The following ATM variants were observed in gnomAD, a reference collection of about 807,000 sequenced individuals.
The protein encoded by ATM is ATM serine/threonine kinase.
Under a neutral mutation model 387.0 loss-of-function variants are expected in ATM, and 308 were observed. The observed-to-expected ratio is 0.80, with a 90% CI of 0.73 to 0.87. The LOEUF is 0.87. Ranked by LOEUF, ATM falls within the 40% of genes least tolerant of loss-of-function variation. The pLI, the probability that ATM is intolerant of heterozygous loss-of-function variation, is 0.00. For missense variants in ATM, 3,312 were observed against 3,560.9 expected (o/e 0.93, Z 1.78); for synonymous variants, 1,156 against 1,187.3 (o/e 0.97, Z 0.54).
At position 108,317,652 on chromosome 11, in the gene ATM, TACACAC is replaced by T. The variant is rs1181493043; in HGVS notation, c.6347+148_6347+153del. 6.5e-3 allele frequency: 771 copies of T among 118,316 alleles called. 15 individuals are homozygous for T. The highest frequency in any genetic ancestry group is 0.036 in the African/African-American group (710 of 19,760). The allele number at this position is 118,316 out of a possible 1,614,324, so 7.3% of individuals were successfully genotyped here. A position where few individuals can be genotyped will look rare whatever the true frequency, so the allele number is the denominator to read the frequency against. On this transcript the variant is annotated intron_variant, in intron 43 of 62. Coordinates refer to ENST00000675843, the MANE Select transcript of ATM (RefSeq NM_000051.4). Reference sequence around the variant, plus strand: ...ATATATATATATATATATATATATATACACACACACACACACACACACTATATATAT... The same window carrying T: ...ATATATATATATATATATATATATATACACACACACACACACTATATATAT...
In ATM at chr11:108,312,489, A is replaced by G. The variant is rs1430297849; in HGVS notation, c.5997A>G (p.Ile1999Met). The change falls in exon 40 of 63, where the codon ATA becomes ATG. Residue 1999 changes from isoleucine to methionine, a missense_variant. Physicochemically the swap from Ile to Met is conservative, Grantham distance 10. Coordinates refer to ENST00000675843, the MANE Select transcript of ATM (RefSeq NM_000051.4). Reference sequence around the variant, plus strand: ...AAAAAAGTAAAGAAGAAACTGGAATAAGTTTACAGGTAAATATTAGAGGCT... The same window carrying G: ...AAAAAAGTAAAGAAGAAACTGGAATGAGTTTACAGGTAAATATTAGAGGCT... The part of the protein sequence containing the change: ...LSEKSKEETG[I>M]SLQDLLLEIY... 1 of 1,562,768 alleles carries G rather than the reference A, an allele frequency of 6.4e-7. No individual in the cohort carries two copies. The highest frequency in any genetic ancestry group is 1.7e-5 in the Admixed American group (1 of 59,904).
At chr11:108,241,468 T>TA (rs2079554132) in intron 5 of ATM, among the ~76,000 whole-genome samples, 1 of 152,202 alleles carries the variant, frequency 6.6e-6, no homozygotes, top group Non-Finnish European at 1.5e-5. Flanking sequence ...GGGTTTTTTT[T>TA]ACACAAGTAT....
intron 43 of ATM, among the ~76,000 whole-genome samples, chr11:108,318,553 G>A (rs193269618): frequency 1.9e-3 from 296 of 151,834 alleles, no homozygotes; most frequent in African/African-American, 7.1e-3. Flanking sequence ...AGCTGGGTGT[G>A]CTGGAGCATG....
chr11:108,253,677 A>G, intron 12 of ATM, 137 bp from the exon 13 acceptor site: 1 of 560,362 alleles, frequency 1.8e-6, no homozygotes. Flanking sequence ...TTAAAAGAAT[A>G]ATCTATTAAT....
chr11:108,250,482 C>A (rs2080074624), intron 9 of ATM, among the ~76,000 whole-genome samples: 1 of 152,072 alleles, frequency 6.6e-6, no homozygotes, highest in Admixed American at 6.6e-5. Context: ...TTAAGGGAAA[C>A]TTAACAGCTT....
At chr11:108,343,492 T>C in intron 57 of ATM, 121 bp downstream of exon 57, 6 of 1,226,506 alleles carry the variant, frequency 4.9e-6, no homozygotes, top group Non-Finnish European at 6.9e-6. Context: ...TTGTCAAAGA[T>C]ACTAAGTAAA....
chr11:108,300,356 C>G (rs1165409780), intron 34 of ATM, among the ~76,000 whole-genome samples: 1 of 152,154 alleles, frequency 6.6e-6, no homozygotes, highest in Non-Finnish European at 1.5e-5. Flanking sequence ...ATTCTCTGTG[C>G]AAAGCAGAAT....
At chr11:108,300,770 A>T (rs2135902098) in intron 34 of ATM, among the ~76,000 whole-genome samples, 1 of 152,290 alleles carries the variant, frequency 6.6e-6, no homozygotes, top group Non-Finnish European at 1.5e-5. Context: ...ATTTTATAGT[A>T]AACACCCATA....
rs954367094 is a variant in ATM at position 108,334,047 on chromosome 11, T to C, written c.8010+79T>C. On this transcript the variant is annotated intron_variant, in intron 54 of 62. Transcript: ENST00000675843. ...TGAACCATTTGAAATAGTATTTTTA[T>C]GTAGGTCAAAATTGGTTAAATATTG... The C allele has an allele frequency of 1.5e-5, 17 of 1,172,016 alleles. 1 individual carries two copies. The highest frequency in any genetic ancestry group is 5.1e-5 in the South Asian group (4 of 79,006). 72.6% of individuals were successfully genotyped at this position (1,172,016 alleles called of 1,614,324 possible). A position where few individuals can be genotyped will look rare whatever the true frequency, so the allele number is the denominator to read the frequency against.
At chr11:108,243,807 G>C in intron 5 of ATM, 146 bp from the exon 6 acceptor site, 1 of 729,798 alleles carries the variant, frequency 1.4e-6, no homozygotes, top group Admixed American at 3.1e-5. Flanking sequence ...TACTGATGGA[G>C]TACTTTTACT....
intron 20 of ATM, 111 bp downstream of exon 20, chr11:108,271,517 C>G (rs1436203840): frequency 6.3e-6 from 8 of 1,268,508 alleles, no homozygotes; most frequent in Non-Finnish European, 9.2e-6. Flanking sequence ...ATAGCTAATA[C>G]ATCTTTTAAG....
chr11:108,247,164 C>T (rs376714864), intron 8 of ATM, 37 bp downstream of exon 8: 28 of 1,610,840 alleles, frequency 1.7e-5, no homozygotes, highest in Non-Finnish European at 2.3e-5. Flanking sequence ...TAGAAATTTC[C>T]TGTTAATTTT....
intron 42 of ATM, among the ~76,000 whole-genome samples, chr11:108,316,981 T>C (rs2084719628): frequency 6.6e-6 from 1 of 151,908 alleles, no homozygotes; most frequent in South Asian, 2.1e-4. Flanking sequence ...TTACTGATGC[T>C]GGAGTGCATT....
intron 59 of ATM, among the ~76,000 whole-genome samples, chr11:108,352,790 G>A (rs1263795717): frequency 6.6e-6 from 1 of 152,218 alleles, no homozygotes; most frequent in Non-Finnish European, 1.5e-5. Context: ...GAATTAGGCT[G>A]AGTGTAAAAA....
At chr11:108,348,463 T>A (rs1371653078) in intron 59 of ATM, among the ~76,000 whole-genome samples, 1 of 151,352 alleles carries the variant, frequency 6.6e-6, no homozygotes. Context: ...CTAAGAAATA[T>A]ATCAAGTTTT....
chr11:108,254,888 A>G (rs1438426309), intron 13 of ATM, among the ~76,000 whole-genome samples: 2 of 152,112 alleles, frequency 1.3e-5, no homozygotes, highest in East Asian at 3.9e-4. Context: ...ACCTCAGGTG[A>G]TGGACCCGCC....
chr11:108,273,331 C>CTTTTTTTTTTTTTTTTTTTT lies in ATM; in HGVS notation c.3284+487_3284+506dup, dbSNP rs563140198. ...GGAATAAACATATATTAATTTCATT[C>CTTTTTTTTTTTTTTTTTTTT]TTTTTTTTTTTTTTTTTTTTTTTTT... On this transcript the variant is annotated intron_variant, in intron 22 of 62. Coordinates refer to ENST00000675843, the MANE Select transcript of ATM (RefSeq NM_000051.4). Among the ~76,000 whole-genome samples, 24 of 80,660 alleles carry CTTTTTTTTTTTTTTTTTTTT rather than the reference C, an allele frequency of 3.0e-4. 4 individuals carry two copies. The highest frequency in any genetic ancestry group is 1.4e-3 in the African/African-American group (24 of 17,518). 52.9% of individuals were successfully genotyped at this position (80,660 alleles called of 152,430 possible). A position where few individuals can be genotyped will look rare whatever the true frequency, so the allele number is the denominator to read the frequency against.
At chr11:108,248,113 C>G (rs887183735) in intron 8 of ATM, among the ~76,000 whole-genome samples, 7 of 152,150 alleles carry the variant, frequency 4.6e-5, no homozygotes, top group Non-Finnish European at 1.0e-4. Flanking sequence ...TCATGTTTTA[C>G]CATGAATCAG....
chr11:108,349,614 G>C (rs2088933385), intron 59 of ATM, among the ~76,000 whole-genome samples: 1 of 152,160 alleles, frequency 6.6e-6, no homozygotes, highest in Admixed American at 6.5e-5. Flanking sequence ...AGTGAGCTAA[G>C]ATCATGCCAC....
Sources: gnomAD v4.1 joint callset for allele counts (sites outside exome capture counted in the v4.1 genomes callset) on GRCh38, gnomAD v4.1.1 for gene constraint, MANE v1.5 for transcripts, NCBI Gene and HGNC (gene_info 2026-07-23, HGNC 2026-07-21) for gene names.